PRKCA: variants seen among roughly 807,000 people sequenced by gnomAD.
PRKCA encodes protein kinase C alpha type.
A neutral mutation model predicts 87.0 loss-of-function variants in PRKCA; 27 were observed. That is an observed-to-expected ratio of 0.31 (90% CI 0.23 to 0.43). PRKCA has a LOEUF of 0.43. Ranked by LOEUF, PRKCA falls within the 20% of genes least tolerant of loss-of-function variation. The pLI is 1.00. For synonymous variants in PRKCA, 329 were observed against 311.1 expected (o/e 1.06, Z -0.61); for missense variants, 518 against 852.3 (o/e 0.61, Z 4.88).
intron 2 of PRKCA, among the ~76,000 whole-genome samples, chr17:66,357,226 A>G (rs1230170621): frequency 6.6e-6 from 1 of 152,150 alleles, no homozygotes; most frequent in East Asian, 1.9e-4. Context: ...GGAAGGAGAC[A>G]GAGAGAGAGG....
At chr17:66,700,729 A>T (rs1973039330) in intron 8 of PRKCA, among the ~76,000 whole-genome samples, 1 of 152,232 alleles carries the variant, frequency 6.6e-6, no homozygotes, top group Non-Finnish European at 1.5e-5. Flanking sequence ...ACTTAAGAAT[A>T]AATTTAACCG....
At position 66,624,022 on chromosome 17, in the gene PRKCA, G is replaced by A. The variant is rs370905564; in HGVS notation, c.289-17333G>A. 4.9e-4 allele frequency among the ~76,000 whole-genome samples: 74 copies of A among 152,310 alleles called. 1 individual carries two copies. The East Asian group carries it at 0.011, about 22-fold the overall frequency. ...AGACACTGAGGAAAACTTGTAGGGT[G>A]TCATCAAGTTGACAGAGAGTCCTGT... is the stretch of plus-strand genomic sequence containing the variant. On this transcript the variant is annotated intron_variant, in intron 3 of 16. Coordinates refer to ENST00000413366, the MANE Select transcript of PRKCA (RefSeq NM_002737.3).
intron 3 of PRKCA, among the ~76,000 whole-genome samples, chr17:66,638,722 C>T (rs1401631218): frequency 3.3e-5 from 5 of 152,072 alleles, no homozygotes; most frequent in African/African-American, 1.2e-4. Flanking sequence ...GTAGTGGGTG[C>T]CTGTAGTCCC....
intron 3 of PRKCA, among the ~76,000 whole-genome samples, chr17:66,509,186 G>C (rs891805879): frequency 2.0e-4 from 29 of 148,206 alleles, no homozygotes; most frequent in African/African-American, 7.2e-4. Flanking sequence ...GTATGTGTGT[G>C]TGTGTGTGTG....
chr17:66,514,003 G>A (rs576183750), intron 3 of PRKCA, among the ~76,000 whole-genome samples: 1 of 152,258 alleles, frequency 6.6e-6, no homozygotes, highest in Admixed American at 6.5e-5. Flanking sequence ...TGTGGTTTCA[G>A]TTACTTTTAG....
chr17:66,758,969 G>T (rs1196263394), intron 13 of PRKCA, among the ~76,000 whole-genome samples: 2 of 152,088 alleles, frequency 1.3e-5, no homozygotes, highest in Non-Finnish European at 2.9e-5. Flanking sequence ...AAATGAACGA[G>T]AGCAGTGATA....
At chr17:66,473,798 G>A (rs1915427776) in intron 2 of PRKCA, among the ~76,000 whole-genome samples, 1 of 152,148 alleles carries the variant, frequency 6.6e-6, no homozygotes, top group Non-Finnish European at 1.5e-5. Context: ...GCTGGGCATG[G>A]TGGCACATGC....
At chr17:66,633,629 A>G (rs1436760735) in intron 3 of PRKCA, among the ~76,000 whole-genome samples, 1 of 152,196 alleles carries the variant, frequency 6.6e-6, no homozygotes, top group African/African-American at 2.4e-5. Context: ...CCAGCCCTCA[A>G]TGACAGATAG....
chr17:66,580,401 T>C (rs1282433199), intron 3 of PRKCA, among the ~76,000 whole-genome samples: 2 of 152,194 alleles, frequency 1.3e-5, no homozygotes, highest in Non-Finnish European at 1.5e-5. Flanking sequence ...TTTGGAAAGC[T>C]GACAGGGCTG....
At chr17:66,503,777 A>T (rs1916854902) in intron 3 of PRKCA, among the ~76,000 whole-genome samples, 1 of 152,366 alleles carries the variant, frequency 6.6e-6, no homozygotes, top group East Asian at 1.9e-4. Context: ...TCAAAGATTC[A>T]TTTATAATAA....
intron 2 of PRKCA, among the ~76,000 whole-genome samples, chr17:66,361,509 C>T (rs1263258021): frequency 1.3e-5 from 2 of 152,002 alleles, no homozygotes; most frequent in Non-Finnish European, 2.9e-5. Context: ...TGAGGTTTCA[C>T]CATATTGGCC....
chr17:66,801,790 G>A (rs1180398352), intron 16 of PRKCA, among the ~76,000 whole-genome samples: 2 of 152,186 alleles, frequency 1.3e-5, no homozygotes, highest in African/African-American at 4.8e-5. Context: ...TGGCTCCACA[G>A]AGTAACTTGA....
intron 3 of PRKCA, among the ~76,000 whole-genome samples, chr17:66,624,522 C>T (rs1275053661): frequency 1.3e-5 from 2 of 152,134 alleles, no homozygotes; most frequent in Non-Finnish European, 2.9e-5. Flanking sequence ...ATTATTTGGC[C>T]AGGCGTGGTG....
At chr17:66,503,064 A>C (rs1262999063) in intron 3 of PRKCA, among the ~76,000 whole-genome samples, 3 of 152,186 alleles carry the variant, frequency 2.0e-5, no homozygotes, top group Non-Finnish European at 4.4e-5. Context: ...TAATCTTTAG[A>C]GTGTTTACTC....
chr17:66,409,058 A>C (rs887552753), intron 2 of PRKCA, among the ~76,000 whole-genome samples: 2 of 150,790 alleles, frequency 1.3e-5, no homozygotes, highest in African/African-American at 2.4e-5. Flanking sequence ...AAAAAAAAGA[A>C]GAAGAATAAA....
At chr17:66,414,779 T>TCAGG (rs1555600788) in intron 2 of PRKCA, among the ~76,000 whole-genome samples, 4 of 152,114 alleles carry the variant, frequency 2.6e-5, no homozygotes, top group Non-Finnish European at 5.9e-5. Flanking sequence ...ATAGAAAAAG[T>TCAGG]CAGGGGCTGG....
intron 8 of PRKCA, among the ~76,000 whole-genome samples, chr17:66,709,301 C>CTTTTTTTTTTTTTTTTTTTTTTT (rs552633887): frequency 1.2e-5 from 1 of 84,872 alleles, no homozygotes; most frequent in Non-Finnish European, 2.3e-5. Context: ...GAGATGATTT[C>CTTTTTTTTTTTTTTTTTTTTTTT]TTTTTTTTTT....
At chr17:66,765,448 A>ATATATATATC (rs1479349228) in intron 13 of PRKCA, among the ~76,000 whole-genome samples, 1 of 138,394 alleles carries the variant, frequency 7.2e-6, no homozygotes, top group Admixed American at 7.3e-5. Context: ...ATATATATAT[A>ATATATATATC]TATATATCCA....
chr17:66,620,369 C>T (rs374090998), intron 3 of PRKCA, among the ~76,000 whole-genome samples: 14 of 152,210 alleles, frequency 9.2e-5, no homozygotes, highest in African/African-American at 3.4e-4. Context: ...GGCGATTCCA[C>T]CTCTGGGTAG....
Sources: gnomAD v4.1 joint callset for allele counts (sites outside exome capture counted in the v4.1 genomes callset) on GRCh38, gnomAD v4.1.1 for gene constraint, MANE v1.5 for transcripts, NCBI Gene and HGNC (gene_info 2026-07-23, HGNC 2026-07-21) for gene names.